The following SLC13A4 variants were observed in gnomAD, a reference collection of about 807,000 sequenced individuals.
The protein encoded by SLC13A4 is Na(+)/sulfate cotransporter SUT-1.
SLC13A4 carries 28 observed loss-of-function variants against 72.7 expected under a neutral mutation model. The observed-to-expected ratio is 0.39, with a 90% CI of 0.29 to 0.53. The LOEUF is 0.53. SLC13A4 is among the 20% of genes least tolerant of loss of function. The pLI is 0.78. For synonymous variants in SLC13A4, 312 were observed against 325.5 expected, an observed-to-expected ratio of 0.96 and a Z score of 0.45; for missense variants, 653 against 788.0, an observed-to-expected ratio of 0.83 and a Z score of 2.05.
At chr7:135,699,973 C>T (rs1217757531) in intron 7 of SLC13A4, among the ~76,000 whole-genome samples, 1 of 151,262 alleles carries the variant, frequency 6.6e-6, no homozygotes, top group African/African-American at 2.4e-5. Flanking sequence ...CAGGATTTGG[C>T]CTTCCCCTCA....
In SLC13A4 at chr7:135,701,943, T is replaced by C. The variant is rs1796046245; in HGVS notation, c.634-183A>G. The C allele has an allele frequency of 2.0e-5, 11 of 549,438 alleles. No individual in the cohort carries two copies. In the East Asian group the frequency reaches 3.5e-4, roughly 18 times the overall value. 34.0% of individuals were successfully genotyped at this position (549,438 alleles called of 1,614,324 possible). On this transcript the variant is annotated intron_variant, in intron 6 of 15. Transcript: ENST00000682651. ...GCCAGGCCTGCCCCGCCCAGCCTGGTGTCAAGTTCTCCACTTGAAGAGGCT... is the reference window on the plus strand; with the variant it reads ...GCCAGGCCTGCCCCGCCCAGCCTGGCGTCAAGTTCTCCACTTGAAGAGGCT...
intron 3 of SLC13A4, among the ~76,000 whole-genome samples, chr7:135,706,862 C>G (rs1796175906): frequency 6.6e-6 from 1 of 152,226 alleles, no homozygotes; most frequent in Admixed American, 6.5e-5. Flanking sequence ...ACTGTGTGCA[C>G]TTTTCCAGCT....
intron 1 of SLC13A4, among the ~76,000 whole-genome samples, chr7:135,724,372 C>G (rs1470740131): frequency 6.6e-6 from 1 of 151,990 alleles, no homozygotes; most frequent in Non-Finnish European, 1.5e-5. Context: ...TGGCACATGC[C>G]TGTAATCCTA....
Position 135,684,183 on chromosome 7 carries a change from C to T in SLC13A4, c.1687G>A (p.Val563Met), listed in dbSNP as rs779406934. ...MCISFAVMLP[V>M]GNPPNAIVFS... ...ACGATGGCATTAGGGGGATTGCCCA[C>T]AGGCAGCATCACTGCAAAGGAGATG... Residue 563 changes from valine to methionine, a missense_variant, in exon 15 of 16, where the codon GTG (valine) becomes ATG (methionine). Val to Met is a conservative substitution (Grantham distance 21, BLOSUM62 1). Coordinates refer to ENST00000682651, the MANE Select transcript of SLC13A4 (RefSeq NM_001318192.2). The T allele has an allele frequency of 8.1e-6, 13 of 1,613,178 alleles. No homozygotes were observed. In the Middle Eastern group the frequency reaches 4.9e-4, roughly 61 times the overall value.
At chr7:135,704,746 A>G (rs1023095267) in intron 5 of SLC13A4, 10 of 152,204 alleles carry the variant, frequency 6.6e-5, no homozygotes, top group African/African-American at 2.4e-4. Context: ...TTTGCCTGGG[A>G]TATCATCAAG....
intron 9 of SLC13A4, 68 bp downstream of exon 9, chr7:135,695,300 G>A (rs1795875626): frequency 6.2e-7 from 1 of 1,601,300 alleles, no homozygotes; most frequent in South Asian, 1.1e-5. Flanking sequence ...GCCATCCAGG[G>A]CCCATGCCAT....
Position 135,681,453 on chromosome 7 carries a change from G to A in SLC13A4, c.*110C>T. ...CTGGTGGAGGGATGCCCTCCGGCGT[G>A]GGTCTGGGGTTGTGTGCTCCTGGTG... On this transcript the variant is annotated 3_prime_UTR_variant, in exon 16 of 16. Coordinates refer to ENST00000682651, the MANE Select transcript of SLC13A4 (RefSeq NM_001318192.2). 1 of 1,361,814 alleles carries A rather than the reference G, an allele frequency of 7.3e-7. No individual in the cohort carries two copies. Among genetic ancestry groups the A allele is most frequent in the Non-Finnish European group, 9.9e-7 (1 of 1,005,746 alleles). 84.4% of individuals were successfully genotyped at this position (1,361,814 alleles called of 1,614,324 possible).
chr7:135,722,457 G>A (rs945726569), intron 1 of SLC13A4, among the ~76,000 whole-genome samples: 3 of 152,060 alleles, frequency 2.0e-5, no homozygotes, highest in African/African-American at 7.2e-5. Context: ...ACAGCCCTGG[G>A]CATCTGGGGT....
In SLC13A4 at chr7:135,701,675, A is replaced by G. The variant is rs1432827438; in HGVS notation, c.714+5T>C. ...AAACAGAGCTAGAAGGGGCCGTTCT[A>G]TTACCTGGGATGGGTGTTGCTTCTT... On this transcript the variant is annotated splice_donor_5th_base_variant and intron_variant, in intron 7 of 15. Transcript: ENST00000682651. 5.0e-6 allele frequency: 8 copies of G among 1,613,424 alleles called. 1 individual carries two copies. In the Middle Eastern group the frequency reaches 8.2e-4, roughly 166 times the overall value.
intron 8 of SLC13A4, among the ~76,000 whole-genome samples, chr7:135,697,347 C>T (rs1299500496): frequency 6.6e-6 from 1 of 152,218 alleles, no homozygotes; most frequent in Non-Finnish European, 1.5e-5. Flanking sequence ...TTCCTCTTTC[C>T]CCTCTATTCC....
Position 135,691,303 on chromosome 7 carries a change from C to G in SLC13A4, c.1344G>C (p.Leu448=). Residue 448 remains leucine, a synonymous_variant, in exon 13 of 16, where the codon CTG becomes CTC. Transcript: ENST00000682651. ...KNDGENQEHS[L]GTEPIITWKD... The stretch of plus-strand genomic sequence containing the variant: ...TCCACGTGATGATGGGCTCGGTCCC[C>G]AGTGAGTGCTCCTGGTTCTCTCCTG... 6.2e-7 allele frequency: 1 copy of G among 1,613,662 alleles called. No homozygotes were observed. Among genetic ancestry groups the G allele is most frequent in the Non-Finnish European group, 8.5e-7 (1 of 1,179,868 alleles).
intron 2 of SLC13A4, 52 bp downstream of exon 2, chr7:135,721,343 T>C: frequency 6.2e-7 from 1 of 1,602,196 alleles, no homozygotes; most frequent in Non-Finnish European, 8.5e-7. Flanking sequence ...AGGCTCTCTT[T>C]CAGGGGCCCT....
chr7:135,703,044 T>G (rs1470622850), intron 5 of SLC13A4, 160 bp from the exon 6 acceptor site: 1 of 609,934 alleles, frequency 1.6e-6, no homozygotes, highest in Non-Finnish European at 2.9e-6. Context: ...CTTCCTTGCC[T>G]TCTGAGATGC....
chr7:135,713,979 C>G (rs961677399), intron 2 of SLC13A4, among the ~76,000 whole-genome samples: 1 of 152,234 alleles, frequency 6.6e-6, no homozygotes, highest in Non-Finnish European at 1.5e-5. Context: ...TGAAGCCCCA[C>G]AGGACTCCAT....
rs138560830 is a variant in SLC13A4, at chr7:135,728,102, G to T, written c.-606C>A. 1 of 152,178 alleles carries T rather than the reference G, an allele frequency of 6.6e-6. No individual in the cohort carries two copies. Among genetic ancestry groups the T allele is most frequent in the African/African-American group, 2.4e-5 (1 of 41,420 alleles). 9.4% of individuals were successfully genotyped at this position (152,178 alleles called of 1,614,324 possible). A position where few individuals can be genotyped will look rare whatever the true frequency, so the allele number is the denominator to read the frequency against. On this transcript the variant is annotated 5_prime_UTR_variant, in exon 1 of 16. Coordinates refer to ENST00000682651, the MANE Select transcript of SLC13A4 (RefSeq NM_001318192.2). Reference sequence around the variant, plus strand: ...TGGGGCTGCTGGTCGCTCCCAGGACGTGGTACCTTAACTCTGTTCACATGT... The same window carrying T: ...TGGGGCTGCTGGTCGCTCCCAGGACTTGGTACCTTAACTCTGTTCACATGT...
At chr7:135,702,917 C>G in intron 5 of SLC13A4, 33 bp from the exon 6 acceptor site, 1 of 1,569,254 alleles carries the variant, frequency 6.4e-7, no homozygotes, top group Non-Finnish European at 8.8e-7. Flanking sequence ...GGAGCCACGT[C>G]AGTGAGGCCG....
chr7:135,691,782 C>A (rs1365200108), intron 11 of SLC13A4, 137 bp from the exon 12 acceptor site: 1 of 611,530 alleles, frequency 1.6e-6, no homozygotes, highest in African/African-American at 1.9e-5. Flanking sequence ...TAGTTCTTGC[C>A]AGTTGCTGCC....
Position 135,727,720 on chromosome 7 carries a change from T to C in SLC13A4, c.-224A>G, listed in dbSNP as rs981339040. On this transcript the variant is annotated 5_prime_UTR_variant, in exon 1 of 16. Transcript: ENST00000682651. ...CTTTAGGTGGGATTGATGAGCATCGTTTTGTGACCAGCAAAAAGGAACTGG... is the reference window on the plus strand; with the variant it reads ...CTTTAGGTGGGATTGATGAGCATCGCTTTGTGACCAGCAAAAAGGAACTGG... The C allele has an allele frequency of 8.2e-6, 4 of 490,638 alleles. No homozygotes were observed. The highest frequency in any genetic ancestry group is 5.8e-5 in the African/African-American group (3 of 51,332). 30.4% of individuals were successfully genotyped at this position (490,638 alleles called of 1,614,324 possible).
chr7:135,705,670 G>A lies in SLC13A4; in HGVS notation c.539-20C>T. The A allele has an allele frequency of 1.2e-6, 2 of 1,612,660 alleles. No individual in the cohort carries two copies. The highest frequency in any genetic ancestry group is 1.7e-6 in the Non-Finnish European group (2 of 1,178,700). On this transcript the variant is annotated intron_variant, in intron 4 of 15. Coordinates refer to ENST00000682651, the MANE Select transcript of SLC13A4 (RefSeq NM_001318192.2). Reference sequence around the variant, plus strand: ...CCAGACCTATGAGTAGCAAAGAAAAGCAGTATGTGAGAGGTGGAGGCTGGG... The same window carrying A: ...CCAGACCTATGAGTAGCAAAGAAAAACAGTATGTGAGAGGTGGAGGCTGGG...
Sources: allele counts gnomAD v4.1 joint callset (sites outside exome capture counted in the v4.1 genomes callset), GRCh38; gene constraint gnomAD v4.1.1; transcripts MANE v1.5; gene names NCBI Gene and HGNC (gene_info 2026-07-23, HGNC 2026-07-21).